The following SLC16A12 variants were observed in gnomAD, a reference collection of about 807,000 sequenced individuals.
SLC16A12 encodes solute carrier family 16 member 12.
In SLC16A12, 17 loss-of-function variants were observed where a neutral mutation model predicts 42.4. The ratio of observed to expected loss-of-function variants is 0.40; its 90% CI spans 0.27 to 0.60. The LOEUF (loss-of-function observed/expected upper bound fraction) is 0.60. Ranked by LOEUF, SLC16A12 falls within the 20% of genes least tolerant of loss-of-function variation. The pLI, the probability that SLC16A12 is intolerant of heterozygous loss-of-function variation, is 0.42. For missense variants in SLC16A12, 544 were observed against 623.0 expected (o/e 0.87, Z 1.35); for synonymous variants, 224 against 229.4 (o/e 0.98, Z 0.21).
chr10:89,484,967 G>A (rs1483554181), intron 2 of SLC16A12, among the ~76,000 whole-genome samples: 1 of 152,112 alleles, frequency 6.6e-6, no homozygotes, highest in Non-Finnish European at 1.5e-5. Context: ...TCCAAAGACC[G>A]AATCAAATTC....
chr10:89,541,888 T>C (rs1378979303), intron 2 of SLC16A12, among the ~76,000 whole-genome samples: 1 of 152,252 alleles, frequency 6.6e-6, no homozygotes, highest in Non-Finnish European at 1.5e-5. Context: ...TTTGATATTA[T>C]TATTTTGTGT....
intron 2 of SLC16A12, among the ~76,000 whole-genome samples, chr10:89,508,788 G>A (rs1843113034): frequency 6.6e-6 from 1 of 152,152 alleles, no homozygotes; most frequent in Non-Finnish European, 1.5e-5. Context: ...AATGAATGCA[G>A]GAGCTGGTTT....
At chr10:89,544,374 C>T (rs1327986213) in intron 2 of SLC16A12, among the ~76,000 whole-genome samples, 2 of 152,232 alleles carry the variant, frequency 1.3e-5, no homozygotes, top group African/African-American at 2.4e-5. Flanking sequence ...ATACATTCCC[C>T]ATGGTCTGAC....
intron 2 of SLC16A12, among the ~76,000 whole-genome samples, chr10:89,515,685 T>C (rs1040286355): frequency 6.6e-6 from 1 of 152,142 alleles, no homozygotes; most frequent in Non-Finnish European, 1.5e-5. Context: ...AAGCCCTGCT[T>C]GTGTTGCCCA....
At position 89,441,339 on chromosome 10, in the gene SLC16A12, C is replaced by A. The variant is rs188133042; in HGVS notation, c.305-88G>T. The A allele has an allele frequency of 3.2e-6, 5 of 1,542,236 alleles. No individual in the cohort carries two copies. In the East Asian group the frequency reaches 1.1e-4, roughly 35 times the overall value. Reference sequence around the variant, plus strand: ...ATGTGGCATTGACAGAGGAGAGAACCTTTAAAGCATTGAGCCCACCCTATT... The same window carrying A: ...ATGTGGCATTGACAGAGGAGAGAACATTTAAAGCATTGAGCCCACCCTATT... On this transcript the variant is annotated intron_variant, in intron 4 of 7. Coordinates refer to ENST00000371790, the MANE Select transcript of SLC16A12 (RefSeq NM_213606.4).
At chr10:89,477,450 G>C (rs1842598570) in intron 2 of SLC16A12, among the ~76,000 whole-genome samples, 2 of 151,460 alleles carry the variant, frequency 1.3e-5, no homozygotes, top group East Asian at 3.9e-4. Flanking sequence ...TGTAATCCCA[G>C]CTACTCGGGA....
chr10:89,481,519 A>C (rs903066531), intron 2 of SLC16A12, among the ~76,000 whole-genome samples: 1 of 152,086 alleles, frequency 6.6e-6, no homozygotes, highest in Non-Finnish European at 1.5e-5. Context: ...CACAGATTAA[A>C]AGTTTCCCCC....
chr10:89,498,455 T>G (rs1174724608), intron 2 of SLC16A12, among the ~76,000 whole-genome samples: 1 of 152,324 alleles, frequency 6.6e-6, no homozygotes, highest in Non-Finnish European at 1.5e-5. Flanking sequence ...GTTCCAAAAA[T>G]TATATGAACA....
At chr10:89,512,007 T>C (rs1324044077) in intron 2 of SLC16A12, among the ~76,000 whole-genome samples, 2 of 152,148 alleles carry the variant, frequency 1.3e-5, no homozygotes, top group Non-Finnish European at 2.9e-5. Flanking sequence ...TACTACACAA[T>C]AAATGAAGCC....
chr10:89,450,285 A>G (rs1368734225), intron 3 of SLC16A12, among the ~76,000 whole-genome samples: 1 of 152,252 alleles, frequency 6.6e-6, no homozygotes, highest in Non-Finnish European at 1.5e-5. Context: ...ATTATAAATG[A>G]TGCTACTATA....
upstream of SLC16A12, among the ~76,000 whole-genome samples, chr10:89,537,429 C>T (rs570050850): frequency 4.6e-5 from 7 of 151,986 alleles, no homozygotes; most frequent in Non-Finnish European, 8.8e-5. Flanking sequence ...AGTTTCCTGC[C>T]CTTTAACTAT....
At chr10:89,457,998 G>T (rs1842225142) in intron 3 of SLC16A12, among the ~76,000 whole-genome samples, 1 of 152,174 alleles carries the variant, frequency 6.6e-6, no homozygotes. Context: ...AAAGATGTTA[G>T]CATGTGTGGA....
At chr10:89,460,543 G>A (rs1017556352) in intron 3 of SLC16A12, among the ~76,000 whole-genome samples, 1 of 151,850 alleles carries the variant, frequency 6.6e-6, no homozygotes, top group South Asian at 2.1e-4. Context: ...GACCAACATG[G>A]TGAAACCCCA....
At chr10:89,498,296 CA>C (rs1158024260) in intron 2 of SLC16A12, among the ~76,000 whole-genome samples, 1 of 152,112 alleles carries the variant, frequency 6.6e-6, no homozygotes, top group Non-Finnish European at 1.5e-5. Context: ...CATGCCACTG[CA>C]CTCCAGCCTG....
intron 3 of SLC16A12, among the ~76,000 whole-genome samples, chr10:89,446,654 A>C (rs566075383): frequency 8.6e-4 from 131 of 152,356 alleles, no homozygotes; most frequent in African/African-American, 3.0e-3. Flanking sequence ...CTGCAAAAAC[A>C]TGCCAAATTG....
chr10:89,471,921 CT>C (rs990119639), intron 2 of SLC16A12, among the ~76,000 whole-genome samples: 1 of 152,120 alleles, frequency 6.6e-6, no homozygotes, highest in Non-Finnish European at 1.5e-5. Flanking sequence ...ATTCATATAT[CT>C]TTTTTGTGAG....
At chr10:89,471,270 A>C (rs1842489574) in intron 2 of SLC16A12, among the ~76,000 whole-genome samples, 1 of 152,146 alleles carries the variant, frequency 6.6e-6, no homozygotes, top group African/African-American at 2.4e-5. Flanking sequence ...ATCTTCACCA[A>C]CCCTGGCACC....
intron 2 of SLC16A12, among the ~76,000 whole-genome samples, chr10:89,513,546 G>A (rs1843196777): frequency 1.3e-5 from 2 of 152,130 alleles, no homozygotes; most frequent in East Asian, 1.9e-4. Flanking sequence ...ACTTGCATCT[G>A]TAATGAATTA....
chr10:89,530,518 T>C lies in SLC16A12; in HGVS notation c.-47+3983A>G, dbSNP rs539839474. 2.4e-3 allele frequency among the ~76,000 whole-genome samples: 363 copies of C among 151,872 alleles called. 1 individual carries two copies. The highest frequency in any genetic ancestry group is 5.7e-3 in the African/African-American group (237 of 41,426). On this transcript the variant is annotated intron_variant, in intron 2 of 7. Transcript: ENST00000371790. ...CTGCAAGCTCCGCCTCCTGGGTTCA[T>C]GCCATTCTCCTGCCTCAGCCTCCCG...
Sources: allele counts gnomAD v4.1 joint callset (sites outside exome capture counted in the v4.1 genomes callset), GRCh38; gene constraint gnomAD v4.1.1; transcripts MANE v1.5; gene names NCBI Gene and HGNC (gene_info 2026-07-23, HGNC 2026-07-21).